The following PLXDC2 variants were observed in gnomAD, a reference collection of about 807,000 sequenced individuals.
PLXDC2 encodes the protein plexin domain containing 2, also known as plexin domain-containing protein 2.
In PLXDC2, 40 loss-of-function variants were observed where a neutral mutation model predicts 68.9. The observed-to-expected ratio is 0.58, with a 90% CI of 0.45 to 0.76. The LOEUF (loss-of-function observed/expected upper bound fraction) is 0.76. Among genes scored for constraint, PLXDC2 ranks in the 30% least tolerant of loss-of-function variants. The probability of loss-of-function intolerance (pLI) is 0.00; values close to 1 mark genes in which losing one functional copy is unlikely to be tolerated. For synonymous variants in PLXDC2, 243 were observed against 234.2 expected (o/e 1.04, Z -0.34); for missense variants, 644 against 661.9 (o/e 0.97, Z 0.30).
chr10:19,972,904 AC>A (rs2131613028), intron 1 of PLXDC2, among the ~76,000 whole-genome samples: 1 of 152,312 alleles, frequency 6.6e-6, no homozygotes, highest in Non-Finnish European at 1.5e-5. Flanking sequence ...CTTCCTATCT[AC>A]ATGTAGTGAA....
chr10:20,173,159 A>C (rs1834472552), intron 7 of PLXDC2, among the ~76,000 whole-genome samples: 1 of 152,184 alleles, frequency 6.6e-6, no homozygotes, highest in Non-Finnish European at 1.5e-5. Flanking sequence ...GGCTATTTCC[A>C]TTAAAGAGTA....
chr10:20,071,480 T>C (rs964976718), intron 4 of PLXDC2, among the ~76,000 whole-genome samples: 1 of 152,154 alleles, frequency 6.6e-6, no homozygotes, highest in Admixed American at 6.5e-5. Flanking sequence ...TTCTCATGAT[T>C]AGTGAATAAG....
intron 12 of PLXDC2, among the ~76,000 whole-genome samples, chr10:20,225,415 G>T (rs1301160416): frequency 6.9e-6 from 1 of 144,326 alleles, no homozygotes; most frequent in Non-Finnish European, 1.5e-5. Context: ...ATAGTCCTAT[G>T]AGCAAAGGGA....
At chr10:20,258,994 C>T (rs575792611) in intron 13 of PLXDC2, among the ~76,000 whole-genome samples, 15 of 131,596 alleles carry the variant, frequency 1.1e-4, no homozygotes, top group East Asian at 8.7e-4. Context: ...GGCGACAGAG[C>T]GATACTCCGT....
At chr10:19,838,727 G>A (rs963007267) in intron 1 of PLXDC2, among the ~76,000 whole-genome samples, 1 of 152,168 alleles carries the variant, frequency 6.6e-6, no homozygotes, top group Admixed American at 6.5e-5. Flanking sequence ...TCATAATTGG[G>A]AATAAAGATA....
At chr10:20,074,620 T>C (rs1232908028) in intron 4 of PLXDC2, among the ~76,000 whole-genome samples, 1 of 152,200 alleles carries the variant, frequency 6.6e-6, no homozygotes, top group Non-Finnish European at 1.5e-5. Flanking sequence ...CTGCTCCTTT[T>C]TTGTTCTGGC....
At chr10:20,041,690 A>G (rs1835686094) in intron 2 of PLXDC2, among the ~76,000 whole-genome samples, 1 of 152,098 alleles carries the variant, frequency 6.6e-6, no homozygotes, top group South Asian at 2.1e-4. Context: ...TTAACCAAAG[A>G]TGGCAGGCTA....
At chr10:20,153,389 A>C (rs2131803418) in intron 6 of PLXDC2, among the ~76,000 whole-genome samples, 1 of 152,292 alleles carries the variant, frequency 6.6e-6, no homozygotes, top group Non-Finnish European at 1.5e-5. Context: ...TTGATGGGAA[A>C]AGTGTTGTTG....
chr10:20,194,042 C>G (rs997480997), intron 9 of PLXDC2, among the ~76,000 whole-genome samples: 1 of 151,892 alleles, frequency 6.6e-6, no homozygotes, highest in Admixed American at 6.6e-5. Flanking sequence ...CTGACCCAGG[C>G]AAGCTCACAA....
intron 2 of PLXDC2, among the ~76,000 whole-genome samples, chr10:20,020,038 T>C (rs1835279014): frequency 2.1e-5 from 3 of 145,910 alleles, no homozygotes; most frequent in Admixed American, 6.8e-5. Context: ...TTTTTGTTTT[T>C]TCTTTTGAGG....
intron 13 of PLXDC2, 101 bp from the exon 14 acceptor site, chr10:20,279,598 GTTAA>G (rs1446262578): frequency 1.2e-6 from 1 of 844,654 alleles, no homozygotes; most frequent in Non-Finnish European, 2.0e-6. Context: ...AATTTAATGT[GTTAA>G]TTAATTCAAC....
intron 2 of PLXDC2, among the ~76,000 whole-genome samples, chr10:20,044,207 C>CTCTCTCTTTCTT (rs1564293827): frequency 1.4e-4 from 13 of 89,958 alleles, no homozygotes; most frequent in Non-Finnish European, 2.0e-4. Context: ...CTCTCTCTCT[C>CTCTCTCTTTCTT]TCTGTCTTTC....
At chr10:19,864,639 A>G (rs535586848) in intron 1 of PLXDC2, among the ~76,000 whole-genome samples, 4 of 152,304 alleles carry the variant, frequency 2.6e-5, no homozygotes, top group Admixed American at 6.5e-5. Flanking sequence ...AGAATTTGCT[A>G]ATTCATTTTA....
chr10:20,189,034 A>T (rs1834723906), intron 9 of PLXDC2, among the ~76,000 whole-genome samples: 1 of 75,994 alleles, frequency 1.3e-5, no homozygotes, highest in Non-Finnish European at 4.7e-5. Flanking sequence ...TTTAATGAAG[A>T]ATCTTCGCTT....
intron 1 of PLXDC2, among the ~76,000 whole-genome samples, chr10:19,952,367 A>C (rs1834004267): frequency 6.6e-6 from 1 of 152,176 alleles, no homozygotes; most frequent in Non-Finnish European, 1.5e-5. Flanking sequence ...ACTTTCTGAA[A>C]AATGACATTG....
intron 2 of PLXDC2, among the ~76,000 whole-genome samples, chr10:20,024,524 A>G (rs937677863): frequency 1.3e-5 from 2 of 152,202 alleles, no homozygotes; most frequent in Non-Finnish European, 2.9e-5. Context: ...TCTCTGGAGT[A>G]ATAAACTTTT....
chr10:20,051,164 T>G (rs976390266), intron 3 of PLXDC2, among the ~76,000 whole-genome samples: 4 of 151,862 alleles, frequency 2.6e-5, no homozygotes, highest in African/African-American at 7.2e-5. Flanking sequence ...TGTTCTCACT[T>G]ATAAGTGGAG....
At chr10:20,242,171 A>G (rs1835525012) in intron 12 of PLXDC2, among the ~76,000 whole-genome samples, 1 of 152,184 alleles carries the variant, frequency 6.6e-6, no homozygotes, top group South Asian at 2.1e-4. Flanking sequence ...ATACTCTTAT[A>G]AAAATAAGAA....
In PLXDC2 at chr10:20,017,102, A is replaced by G. The variant is rs114364937; in HGVS notation, c.324+15116A>G. ...AGAAAGAGAGAGGCAGAGAGAGATAAATAGAGAGAGAGAAACGAGAAGCAC... is the reference window on the plus strand; with the variant it reads ...AGAAAGAGAGAGGCAGAGAGAGATAGATAGAGAGAGAGAAACGAGAAGCAC... On this transcript the variant is annotated intron_variant, in intron 2 of 13. Coordinates refer to ENST00000377252, the MANE Select transcript of PLXDC2 (RefSeq NM_032812.9). 4.3e-3 allele frequency among the ~76,000 whole-genome samples: 658 copies of G among 152,250 alleles called. 5 individuals are homozygous for G. The highest frequency in any genetic ancestry group is 0.015 in the African/African-American group (612 of 41,578).
Sources: allele counts gnomAD v4.1 joint callset (sites outside exome capture counted in the v4.1 genomes callset), GRCh38; gene constraint gnomAD v4.1.1; transcripts MANE v1.5; gene names NCBI Gene and HGNC (gene_info 2026-07-23, HGNC 2026-07-21).